The following TMEM204 variants were observed in gnomAD, a reference collection of about 807,000 sequenced individuals.
TMEM204 encodes the protein claudin-like protein 24.
TMEM204 carries 15 observed loss-of-function variants against 19.4 expected under a neutral mutation model. The observed-to-expected ratio is 0.77, with a 90% CI of 0.52 to 1.19. The LOEUF is 1.19. Ranked by LOEUF, TMEM204 falls within the 50% of genes most tolerant of loss-of-function variation. The pLI is 0.00. For synonymous variants in TMEM204, 161 were observed against 146.0 expected, an observed-to-expected ratio of 1.10 and a Z score of -0.74; for missense variants, 287 against 321.2, an observed-to-expected ratio of 0.89 and a Z score of 0.81.
chr16:1,544,766 A>C (rs566885881), intron 2 of TMEM204, among the ~76,000 whole-genome samples: 6 of 151,394 alleles, frequency 4.0e-5, no homozygotes, highest in African/African-American at 1.2e-4. Context: ...CTCCTGCCTC[A>C]GCCTCCCGAG....
At position 1,553,990 on chromosome 16, in the gene TMEM204, C is replaced by T. The variant is rs1382386704; in HGVS notation, c.437-792C>T. 13 of 1,287,114 alleles carry T rather than the reference C, an allele frequency of 1.0e-5. No individual in the cohort carries two copies. Among genetic ancestry groups the T allele is most frequent in the East Asian group, 5.5e-5 (1 of 18,030 alleles). The allele number at this position is 1,287,114 out of a possible 1,614,324, so 79.7% of individuals were successfully genotyped here. ...CGACTAACTAGACGGGAACAAGCTG[C>T]GCCAACCAAGGGTTGCTCACGGCCC... On this transcript the variant is annotated intron_variant, in intron 2 of 2. Transcript: ENST00000566264. The surrounding 1 kb of genome is among the most constrained non-coding windows in gnomAD (Gnocchi z 4.4).
chr16:1,554,089 G>C, intron 2 of TMEM204: 1 of 1,287,174 alleles, frequency 7.8e-7, no homozygotes, highest in Non-Finnish European at 1.0e-6. Flanking sequence ...AGGGAGGAGG[G>C]AGGGTCTAGA....
chr16:1,542,125 T>C (rs967940665), intron 2 of TMEM204, 49 bp downstream of exon 2: 1 of 1,513,002 alleles, frequency 6.6e-7, no homozygotes, highest in Non-Finnish European at 8.9e-7. Flanking sequence ...CCCTGTGGCC[T>C]TCTGGTGCCA....
intron 1 of TMEM204, 75 bp downstream of exon 1, chr16:1,534,630 C>T (rs1432253095): frequency 1.9e-6 from 3 of 1,584,798 alleles, no homozygotes; most frequent in African/African-American, 1.3e-5. Context: ...TAGGCGCGGA[C>T]CTGGTGAGCG....
rs1020207186 is a variant in TMEM204 at position 1,551,086 on chromosome 16, C to T, written c.437-3696C>T. On this transcript the variant is annotated intron_variant, in intron 2 of 2. Coordinates refer to ENST00000566264, the MANE Select transcript of TMEM204 (RefSeq NM_024600.6). The surrounding 1 kb of genome is among the most constrained non-coding windows in gnomAD (Gnocchi z 4.0). ...GGCTGCTGTTCCTCCTCGCCTTTCC[C>T]GCAGCTCCACACTGCATTCTGTTCT... Among the ~76,000 whole-genome samples the T allele has an allele frequency of 2.0e-5, 3 of 152,144 alleles. No homozygotes were observed. Among genetic ancestry groups the T allele is most frequent in the South Asian group, 2.1e-4 (1 of 4,832 alleles).
At chr16:1,540,847 G>A (rs1438504265) in intron 1 of TMEM204, 2 of 985,416 alleles carry the variant, frequency 2.0e-6, no homozygotes, top group Non-Finnish European at 1.2e-6. Flanking sequence ...AAGGCATGGC[G>A]ATGACAGGCT....
chr16:1,534,662 C>T, intron 1 of TMEM204, 107 bp downstream of exon 1: 1 of 1,518,254 alleles, frequency 6.6e-7, no homozygotes, highest in South Asian at 1.1e-5. Flanking sequence ...CTGGCCCCTG[C>T]TCTGCCCTGA....
chr16:1,534,640 G>A, intron 1 of TMEM204, 85 bp downstream of exon 1: 17 of 1,569,398 alleles, frequency 1.1e-5, no homozygotes, highest in South Asian at 3.3e-5. Flanking sequence ...CCTGGTGAGC[G>A]GGTGGGGAGG....
chr16:1,542,637 A>G (rs1378705740), intron 2 of TMEM204, among the ~76,000 whole-genome samples: 1 of 152,244 alleles, frequency 6.6e-6, no homozygotes, highest in East Asian at 1.9e-4. Context: ...CGTGAGCGGG[A>G]CAAGACAGAG....
rs1431392705 is a variant in TMEM204, at chr16:1,553,257, T to C, written c.437-1525T>C. The C allele has an allele frequency of 1.0e-6, 1 of 977,882 alleles. No homozygotes were observed. Among genetic ancestry groups the C allele is most frequent in the East Asian group, 1.1e-4 (1 of 8,766 alleles). The allele number at this position is 977,882 out of a possible 1,614,324, so 60.6% of individuals were successfully genotyped here. The stretch of plus-strand genomic sequence containing the variant: ...CTCTGTGTCTGTCTCTGTCTCTCTG[T>C]ATCTCTCTTGGTCTCTGTCTCTCTG... On this transcript the variant is annotated intron_variant, in intron 2 of 2. Transcript: ENST00000566264. The surrounding 1 kb of genome is among the most constrained non-coding windows in gnomAD (Gnocchi z 4.4).
At chr16:1,543,151 C>T (rs113697158) in intron 2 of TMEM204, among the ~76,000 whole-genome samples, 8 of 152,234 alleles carry the variant, frequency 5.3e-5, no homozygotes, top group Non-Finnish European at 1.0e-4. Flanking sequence ...GCGAGCATGT[C>T]GGCCCATGGC....
At position 1,548,416 on chromosome 16, in the gene TMEM204, G is replaced by A. The variant is rs192555745; in HGVS notation, c.436+6340G>A. Among the ~76,000 whole-genome samples, 5 of 152,362 alleles carry A rather than the reference G, an allele frequency of 3.3e-5. No individual in the cohort carries two copies. The East Asian group carries it at 9.6e-4, about 29-fold the overall frequency. On this transcript the variant is annotated intron_variant, in intron 2 of 2. Coordinates refer to ENST00000566264, the MANE Select transcript of TMEM204 (RefSeq NM_024600.6). ...AAGGAGAGGGGAAAGGGCTGGCTGG[G>A]CTGCAGAGCTGTAATTCACACTGTC...
intron 1 of TMEM204, chr16:1,541,505 C>A: frequency 1.0e-6 from 1 of 985,410 alleles, no homozygotes; most frequent in Non-Finnish European, 1.2e-6. Context: ...CAGGCAGCGC[C>A]CTCGTCTTGG....
At position 1,553,158 on chromosome 16, in the gene TMEM204, CTGGTTACCCATCTCT is replaced by C. The variant is rs1226002484; in HGVS notation, c.437-1621_437-1607del. Reference sequence around the variant, plus strand: ...GCTTGGGTTTTTAGGAAAAACAAGGCTGGTTACCCATCTCTTGCTCTCTGTCTCTCCTTCCCTGTG... The same window carrying C: ...GCTTGGGTTTTTAGGAAAAACAAGGCTGCTCTCTGTCTCTCCTTCCCTGTG... On this transcript the variant is annotated intron_variant, in intron 2 of 2. Transcript: ENST00000566264. The surrounding 1 kb of genome is among the most constrained non-coding windows in gnomAD (Gnocchi z 4.4). 1 of 985,224 alleles carries C rather than the reference CTGGTTACCCATCTCT, an allele frequency of 1.0e-6. No individual in the cohort carries two copies. The highest frequency in any genetic ancestry group is 1.1e-4 in the East Asian group (1 of 8,830). 61.0% of individuals were successfully genotyped at this position (985,224 alleles called of 1,614,324 possible).
intron 2 of TMEM204, among the ~76,000 whole-genome samples, chr16:1,545,631 C>T (rs763960225): frequency 2.6e-5 from 4 of 152,130 alleles, no homozygotes; most frequent in Non-Finnish European, 5.9e-5. Flanking sequence ...AAGTGAACCT[C>T]GATCCCAGGG....
chr16:1,529,412 G>A (rs1267173892), upstream of TMEM204, among the ~76,000 whole-genome samples: 1 of 152,210 alleles, frequency 6.6e-6, no homozygotes, highest in Non-Finnish European at 1.5e-5. Context: ...ACAGCACCTG[G>A]GTGCACCCAC....
chr16:1,553,004 A>G lies in TMEM204; in HGVS notation c.437-1778A>G. The G allele has an allele frequency of 6.1e-6, 6 of 985,388 alleles. No homozygotes were observed. The highest frequency in any genetic ancestry group is 7.2e-6 in the Non-Finnish European group (6 of 829,870). The allele number at this position is 985,388 out of a possible 1,614,324, so 61.0% of individuals were successfully genotyped here. On this transcript the variant is annotated intron_variant, in intron 2 of 2. Coordinates refer to ENST00000566264, the MANE Select transcript of TMEM204 (RefSeq NM_024600.6). This position sits in a 1 kb window ranked among gnomAD's most constrained non-coding sequence, Gnocchi z 4.4. ...AGTATCCAGGAGCTACCCATGTATA[A>G]GAAGCTCCATGAAGTATTATAAAGA...
chr16:1,547,904 T>TG (rs1198774691), intron 2 of TMEM204, among the ~76,000 whole-genome samples: 3 of 152,196 alleles, frequency 2.0e-5, no homozygotes, highest in African/African-American at 7.2e-5. Flanking sequence ...CTCACACTCC[T>TG]GGGCTCAAGT....
At chr16:1,540,166 C>T (rs1187403812) in intron 1 of TMEM204, among the ~76,000 whole-genome samples, 3 of 152,166 alleles carry the variant, frequency 2.0e-5, no homozygotes, top group South Asian at 4.1e-4. Context: ...AGCCTGGGGC[C>T]GGGGCAGATG....
Sources: gnomAD v4.1 joint callset for allele counts (sites outside exome capture counted in the v4.1 genomes callset) on GRCh38, gnomAD v4.1.1 for gene constraint, Gnocchi (gnomAD v3.1) non-coding constraint, MANE v1.5 for transcripts, NCBI Gene and HGNC (gene_info 2026-07-23, HGNC 2026-07-21) for gene names.